Variants in TTLL12 observed in about 807,000 individuals in gnomAD.
The protein encoded by TTLL12 is tubulin--tyrosine ligase-like protein 12.
Under a neutral mutation model 79.6 loss-of-function variants are expected in TTLL12, and 77 were observed. The observed-to-expected ratio is 0.97, with a 90% CI of 0.81 to 1.17. TTLL12 has a LOEUF of 1.17. Among genes scored for constraint, TTLL12 ranks in the 50% most tolerant of loss-of-function variants. The probability of loss-of-function intolerance (pLI) is 0.00; values close to 1 mark genes in which losing one functional copy is unlikely to be tolerated. For missense variants in TTLL12, 969 were observed against 895.9 expected (o/e 1.08, Z -1.04); for synonymous variants, 437 against 376.1 (o/e 1.16, Z -1.87).
intron 9 of TTLL12, 111 bp from the exon 10 acceptor site, chr22:43,172,665 T>C (rs1370034821): frequency 4.9e-6 from 6 of 1,231,198 alleles, no homozygotes; most frequent in East Asian, 2.4e-5. Context: ...TACTCCTCCT[T>C]CTGCCTTTTC....
intron 1 of TTLL12, among the ~76,000 whole-genome samples, chr22:43,185,270 TATATATA>T (rs1932153432): frequency 3.5e-5 from 1 of 28,520 alleles, no homozygotes; most frequent in Non-Finnish European, 8.7e-5. Flanking sequence ...TATATATATA[TATATATA>T]TATATATATA....
At position 43,167,779 on chromosome 22, in the gene TTLL12, G is replaced by T; in HGVS notation, c.*229C>A. 1 of 484,712 alleles carries T rather than the reference G, an allele frequency of 2.1e-6. No homozygotes were observed. 30.0% of individuals were successfully genotyped at this position (484,712 alleles called of 1,614,324 possible). A position where few individuals can be genotyped will look rare whatever the true frequency, so the allele number is the denominator to read the frequency against. On this transcript the variant is annotated 3_prime_UTR_variant, in exon 14 of 14. Coordinates refer to ENST00000216129, the MANE Select transcript of TTLL12 (RefSeq NM_015140.4). ...GGGTGAGGGCAGGGCGTGGGGTGGT[G>T]CTCAGCCCTGGGGACACCATCACTG...
chr22:43,173,734 T>G lies in TTLL12; in HGVS notation c.1322A>C (p.His441Pro). The change falls in exon 9 of 14, where the codon CAC (histidine) becomes CCC (proline). Residue 441 changes from histidine to proline, a missense_variant. By Grantham distance (77) the His-to-Pro change is moderately conservative (BLOSUM62 -2). Transcript: ENST00000216129. ...GCCCACCTTGGGGGTGCTCTCTCGG[T>G]GCCGGATGATGCTGTGCAGGCTCTT... ...VTKSLHSIIR[H>P]RESTPKVVSK... 6.2e-7 allele frequency: 1 copy of G among 1,602,912 alleles called. No individual in the cohort carries two copies.
At chr22:43,169,929 C>G (rs1438711137) in intron 11 of TTLL12, 1 of 463,434 alleles carries the variant, frequency 2.2e-6, no homozygotes, top group Non-Finnish European at 4.3e-6. Flanking sequence ...CATCCTCACA[C>G]TCAGCTCAGT....
chr22:43,167,899 C>T lies in TTLL12; in HGVS notation c.*109G>A. The T allele has an allele frequency of 7.1e-7, 1 of 1,414,174 alleles. No individual in the cohort carries two copies. Among genetic ancestry groups the T allele is most frequent in the Non-Finnish European group, 9.7e-7 (1 of 1,033,554 alleles). 87.6% of individuals were successfully genotyped at this position (1,414,174 alleles called of 1,614,324 possible). ...GCAGGACAGAGGCCTGGGGCTGAGG[C>T]TATGCCCAGGGCCGGTGTGGGGAGG... is the stretch of plus-strand genomic sequence containing the variant. On this transcript the variant is annotated 3_prime_UTR_variant, in exon 14 of 14. Transcript: ENST00000216129.
chr22:43,186,062 T>TC (rs1932175378), intron 1 of TTLL12: 1 of 975,748 alleles, frequency 1.0e-6, no homozygotes, highest in Admixed American at 6.2e-5. Context: ...GCTCAGGGAC[T>TC]CCTAGTTCCC....
At position 43,172,468 on chromosome 22, in the gene TTLL12, C is replaced by G; in HGVS notation, c.1428G>C (p.Leu476=). ...KVKFDIRYIV[L]LRSVRPLRLF... ...ACCGTAGGGGCCTCACTGACCGCAG[C>G]AGCACGATGTAGCGGATGTCGAACT... The change falls in exon 10 of 14, where the codon CTG becomes CTC. Residue 476 remains leucine, a synonymous_variant. Transcript: ENST00000216129. The G allele has an allele frequency of 6.2e-7, 1 of 1,614,226 alleles. No homozygotes were observed.
In TTLL12 at chr22:43,168,822, C is replaced by A; in HGVS notation, c.1735G>T (p.Ala579Ser). The change falls in exon 13 of 14, where the codon GCC becomes TCC. Residue 579 changes from alanine (A) to serine (S), a missense_variant. Coordinates refer to ENST00000216129, the MANE Select transcript of TTLL12 (RefSeq NM_015140.4). ...AGCATGAGGTCGACGGCATACATGG[C>A]CCGGGATGAGGGGTAGTCGCAGAGG... ...LGLCDYPSSR[A>S]MYAVDLMLKW... The A allele has an allele frequency of 6.3e-7, 1 of 1,590,184 alleles. No individual in the cohort carries two copies.
Position 43,187,100 on chromosome 22 carries a change from GCCACCGCCGCCGCCGC to G in TTLL12, c.-47_-32del. 9.2e-7 allele frequency: 1 copy of G among 1,088,988 alleles called. No homozygotes were observed. Among genetic ancestry groups the G allele is most frequent in the Non-Finnish European group, 1.1e-6 (1 of 900,626 alleles). The allele number at this position is 1,088,988 out of a possible 1,614,324, so 67.5% of individuals were successfully genotyped here. The stretch of plus-strand genomic sequence containing the variant: ...CAGCACCCGCGCCGACTCCAGCGCC[GCCACCGCCGCCGCCGC>G]CCGCCGTCCGTCGGCCCTGCCCTCC... On this transcript the variant is annotated 5_prime_UTR_variant, in exon 1 of 14. Transcript: ENST00000216129.
Position 43,179,343 on chromosome 22 carries a change from GC to G in TTLL12, c.840+275del, listed in dbSNP as rs576341711. Among the ~76,000 whole-genome samples the G allele has an allele frequency of 1.6e-4, 25 of 152,200 alleles. 1 individual carries two copies. Among genetic ancestry groups the G allele is most frequent in the African/African-American group, 6.0e-4 (25 of 41,542 alleles). On this transcript the variant is annotated intron_variant, in intron 5 of 13. Coordinates refer to ENST00000216129, the MANE Select transcript of TTLL12 (RefSeq NM_015140.4). The stretch of plus-strand genomic sequence containing the variant: ...GCTCATGGCCAAGACCAACTGCACA[GC>G]CCCCTCCTTCCCAAGGGAGCAGCGT...
At chr22:43,169,917 AC>A in intron 11 of TTLL12, 1 of 466,082 alleles carries the variant, frequency 2.1e-6, no homozygotes, top group Non-Finnish European at 4.3e-6. Context: ...CTGGGCTGGC[AC>A]CATCCTCACA....
chr22:43,176,250 G>A, intron 6 of TTLL12, 70 bp downstream of exon 6: 2 of 1,192,822 alleles, frequency 1.7e-6, no homozygotes, highest in Non-Finnish European at 2.4e-6. Flanking sequence ...GGGGCTGTGG[G>A]AACCACGAAG....
intron 11 of TTLL12, among the ~76,000 whole-genome samples, chr22:43,170,532 G>GAACCTCAA (rs1320771274): frequency 6.6e-6 from 1 of 152,140 alleles, no homozygotes; most frequent in Non-Finnish European, 1.5e-5. Context: ...CAACAAGCCC[G>GAACCTCAA]AACCTCAAAA....
chr22:43,170,888 T>G (rs1443759301), intron 11 of TTLL12, among the ~76,000 whole-genome samples: 2 of 152,226 alleles, frequency 1.3e-5, no homozygotes, highest in Non-Finnish European at 2.9e-5. Flanking sequence ...CACTCCAGCC[T>G]GGGTGACAGC....
In TTLL12 at chr22:43,173,852, G is replaced by C. The variant is rs7291977; in HGVS notation, c.1230-26C>G. The stretch of plus-strand genomic sequence containing the variant: ...CTGGGGAGCAGAAGGGCTGTCTGGG[G>C]GGCGCCTGGGGCCTGTGTTCCCAGA... On this transcript the variant is annotated intron_variant, in intron 8 of 13. Transcript: ENST00000216129. 0.01 allele frequency: 16,525 copies of C among 1,586,858 alleles called. 830 individuals carry two copies. The African/African-American group carries it at 0.13, about 13-fold the overall frequency.
rs761172069 is a variant in TTLL12, at chr22:43,187,030, G to A, written c.40C>T (p.Arg14Cys). 1.6e-6 allele frequency: 2 copies of A among 1,214,762 alleles called. No homozygotes were observed. Among genetic ancestry groups the A allele is most frequent in the South Asian group, 6.5e-5 (2 of 30,598 alleles). The allele number at this position is 1,214,762 out of a possible 1,614,324, so 75.2% of individuals were successfully genotyped here. Reference protein sequence around the residue: ...ERGPERRPAERSSPGQTPEEG... With the variant: ...ERGPERRPAECSSPGQTPEEG... The stretch of plus-strand genomic sequence containing the variant: ...TCCGGCGTCTGGCCCGGGCTGCTAC[G>A]CTCCGCAGGCCGGCGCTCGGGACCC... Residue 14 changes from arginine to cysteine, a missense_variant, in exon 1 of 14, where the codon CGT (arginine) becomes TGT (cysteine). Physicochemically the swap from Arg to Cys is radical, Grantham distance 180. Coordinates refer to ENST00000216129, the MANE Select transcript of TTLL12 (RefSeq NM_015140.4).
chr22:43,183,248 C>T, intron 1 of TTLL12, 99 bp from the exon 2 acceptor site: 4 of 1,462,042 alleles, frequency 2.7e-6, no homozygotes, highest in Non-Finnish European at 3.7e-6. Context: ...ACACCCAGGC[C>T]TCAAGGACAA....
In TTLL12 at chr22:43,172,453, C is replaced by A; in HGVS notation, c.1443G>T (p.Arg481Ser). The change falls in exon 10 of 14, where the codon AGG (arginine) becomes AGT (serine). Residue 481 changes from arginine to serine, a missense_variant. Coordinates refer to ENST00000216129, the MANE Select transcript of TTLL12 (RefSeq NM_015140.4). Reference sequence around the variant, plus strand: ...CATCATACACGAACAACCGTAGGGGCCTCACTGACCGCAGCAGCACGATGT... The same window carrying A: ...CATCATACACGAACAACCGTAGGGGACTCACTGACCGCAGCAGCACGATGT... The part of the protein sequence containing the change: ...IRYIVLLRSV[R>S]PLRLFVYDVF... 2.5e-6 allele frequency: 4 copies of A among 1,614,202 alleles called. No individual in the cohort carries two copies. The highest frequency in any genetic ancestry group is 3.4e-6 in the Non-Finnish European group (4 of 1,180,036).
chr22:43,174,693 G>T, intron 6 of TTLL12, 78 bp from the exon 7 acceptor site: 2 of 1,044,040 alleles, frequency 1.9e-6, no homozygotes, highest in Non-Finnish European at 2.8e-6. Flanking sequence ...CTGGCTCAGG[G>T]ACTCCCTTCC....
Sources: gnomAD v4.1 joint callset for allele counts (sites outside exome capture counted in the v4.1 genomes callset) on GRCh38, gnomAD v4.1.1 for gene constraint, MANE v1.5 for transcripts, NCBI Gene and HGNC (gene_info 2026-07-23, HGNC 2026-07-21) for gene names.